RABGAP1: variants seen among roughly 807,000 people sequenced by gnomAD.
RABGAP1 encodes rab GTPase-activating protein 1.
A neutral mutation model predicts 137.6 loss-of-function variants in RABGAP1; 23 were observed. The ratio of observed to expected loss-of-function variants is 0.17; its 90% confidence interval spans 0.12 to 0.24. The LOEUF (loss-of-function observed/expected upper bound fraction) is 0.24, where lower values mean the gene tolerates loss of function less well. Among genes scored for constraint, RABGAP1 ranks in the 10% least tolerant of loss-of-function variants. RABGAP1 has a pLI of 1.00. For synonymous variants in RABGAP1, 451 were observed against 450.7 expected, an observed-to-expected ratio of 1.00 and a Z score of -0.01; for missense variants, 906 against 1,275.8, an observed-to-expected ratio of 0.71 and a Z score of 4.42.
At chr9:123,004,939 C>A (rs2030077296) in intron 10 of RABGAP1, among the ~76,000 whole-genome samples, 1 of 151,396 alleles carries the variant, frequency 6.6e-6, no homozygotes, top group Non-Finnish European at 1.5e-5. Context: ...ATCCGTAATC[C>A]CAGCTACTCG....
In RABGAP1 at chr9:123,020,617, CGAA is replaced by C. The variant is rs879343887; in HGVS notation, c.1794+163_1794+165del. 7.9e-5 allele frequency among the ~76,000 whole-genome samples: 12 copies of C among 152,194 alleles called. No homozygotes were observed. The East Asian group carries it at 1.5e-3, about 20-fold the overall frequency. ...GCTCTAACATGTTTTTTCTGTTGCA[CGAA>C]GAAGTCATAGTTTTTTCTCCTTGAT... is the stretch of plus-strand genomic sequence containing the variant. On this transcript the variant is annotated intron_variant, in intron 13 of 25. Coordinates refer to ENST00000373647, the MANE Select transcript of RABGAP1 (RefSeq NM_012197.4).
At chr9:122,936,855 A>G (rs1009598433), upstream of RABGAP1, among the ~76,000 whole-genome samples, 1 of 152,268 alleles carries the variant, frequency 6.6e-6, no homozygotes, top group African/African-American at 2.4e-5. Context: ...GCTACTGCAT[A>G]TAACCAGGGA....
At chr9:122,971,686 A>T (rs947036013) in intron 2 of RABGAP1, 2 of 152,270 alleles carry the variant, frequency 1.3e-5, no homozygotes, top group African/African-American at 4.8e-5. Flanking sequence ...TTAAAAGTGC[A>T]GCAGATATGT....
intron 19 of RABGAP1, among the ~76,000 whole-genome samples, chr9:123,085,804 TTG>T (rs2034845864): frequency 6.6e-6 from 1 of 152,238 alleles, no homozygotes; most frequent in Non-Finnish European, 1.5e-5. Context: ...CTCATGGAGT[TTG>T]TACGTTGGCA....
chr9:122,983,117 C>G (rs1341781055), intron 2 of RABGAP1, among the ~76,000 whole-genome samples: 1 of 151,600 alleles, frequency 6.6e-6, no homozygotes, highest in Non-Finnish European at 1.5e-5. Context: ...GTCTGTCCAC[C>G]TCAGCCTCCC....
chr9:123,020,457 A>G lies in RABGAP1; in HGVS notation c.1792A>G (p.Lys598Glu), dbSNP rs1281915663. 6.3e-7 allele frequency: 1 copy of G among 1,591,706 alleles called. No individual in the cohort carries two copies. Among genetic ancestry groups the G allele is most frequent in the Non-Finnish European group, 8.6e-7 (1 of 1,167,974 alleles). The change falls in exon 13 of 26, where the codon AAG becomes GAG. Residue 598 changes from lysine to glutamate, a missense_variant and splice_region_variant. This residue lies in a region of RABGAP1 where 212 missense variants were observed against 289.4 expected (regional missense o/e 0.73). Coordinates refer to ENST00000373647, the MANE Select transcript of RABGAP1 (RefSeq NM_012197.4). ...AGAGAAATACCGCATTCTTATCACAAAGGTAAGGGGGTGATAATTCAGCTT... is the reference window on the plus strand; with the variant it reads ...AGAGAAATACCGCATTCTTATCACAGAGGTAAGGGGGTGATAATTCAGCTT... ...LVEKYRILIT[K>E]ESPQDSAITR...
chr9:122,973,131 C>G (rs1835557465), intron 2 of RABGAP1, among the ~76,000 whole-genome samples: 1 of 152,112 alleles, frequency 6.6e-6, no homozygotes, highest in African/African-American at 2.4e-5. Context: ...ATCTGACTGA[C>G]TATATGTTCC....
intron 1 of RABGAP1, among the ~76,000 whole-genome samples, chr9:122,943,215 G>A (rs1362369264): frequency 1.3e-5 from 2 of 151,238 alleles, no homozygotes; most frequent in African/African-American, 4.9e-5. Context: ...TTACAGGCGT[G>A]TGCCACCACG....
At chr9:123,087,858 A>T (rs2034916103) in intron 19 of RABGAP1, among the ~76,000 whole-genome samples, 1 of 152,092 alleles carries the variant, frequency 6.6e-6, no homozygotes, top group Admixed American at 6.5e-5. Flanking sequence ...CACGCAGCAA[A>T]TGTGGGCCTA....
chr9:123,084,053 G>A (rs1404422731), intron 19 of RABGAP1, among the ~76,000 whole-genome samples: 1 of 152,198 alleles, frequency 6.6e-6, no homozygotes, highest in African/African-American at 2.4e-5. Context: ...CTTTGGACAA[G>A]TCACCTATCT....
intron 19 of RABGAP1, among the ~76,000 whole-genome samples, chr9:123,086,915 A>C (rs1455969104): frequency 1.3e-5 from 2 of 152,162 alleles, no homozygotes; most frequent in Non-Finnish European, 2.9e-5. Flanking sequence ...TCTTAGAGAA[A>C]CCCTGTATAA....
At chr9:123,055,084 A>G (rs1301346863) in intron 13 of RABGAP1, among the ~76,000 whole-genome samples, 1 of 152,200 alleles carries the variant, frequency 6.6e-6, no homozygotes, top group Non-Finnish European at 1.5e-5. Flanking sequence ...AAGGTGAGGT[A>G]TCTACATAAA....
At chr9:123,077,497 C>G (rs1268684972) in intron 19 of RABGAP1, among the ~76,000 whole-genome samples, 3 of 152,076 alleles carry the variant, frequency 2.0e-5, no homozygotes, top group Non-Finnish European at 2.9e-5. Context: ...TAAAACAAAG[C>G]TAATAATACA....
At chr9:122,998,515 GTAATAGCTTTTATGGAATCTTAT>G in intron 9 of RABGAP1, 59 bp from the exon 10 acceptor site, 2 of 1,176,070 alleles carry the variant, frequency 1.7e-6, no homozygotes, top group South Asian at 3.8e-5. Context: ...TATAATAAAA[GTAATAGCTTTTATGGAATCTTAT>G]GAGCAAATAT....
chr9:123,021,441 C>T (rs951193525), intron 13 of RABGAP1, among the ~76,000 whole-genome samples: 2 of 151,510 alleles, frequency 1.3e-5, no homozygotes, highest in African/African-American at 2.4e-5. Flanking sequence ...GTTGTGCCTC[C>T]ATCTCCCAAG....
intron 13 of RABGAP1, among the ~76,000 whole-genome samples, chr9:123,053,306 T>C (rs557718857): frequency 6.6e-6 from 1 of 152,348 alleles, no homozygotes; most frequent in African/African-American, 2.4e-5. Flanking sequence ...AACAGTCTTA[T>C]TCTCATTCTT....
At chr9:123,044,823 G>A (rs2033132919) in intron 13 of RABGAP1, among the ~76,000 whole-genome samples, 1 of 152,112 alleles carries the variant, frequency 6.6e-6, no homozygotes, top group Non-Finnish European at 1.5e-5. Context: ...GGCTCAGGGT[G>A]GAGTAGAATT....
chr9:123,083,657 G>C (rs1430841362), intron 19 of RABGAP1, among the ~76,000 whole-genome samples: 1 of 152,214 alleles, frequency 6.6e-6, no homozygotes. Flanking sequence ...TAAATAAAAA[G>C]GCTCAGAAAT....
chr9:123,033,153 A>G (rs1434750629), intron 13 of RABGAP1, among the ~76,000 whole-genome samples: 2 of 152,318 alleles, frequency 1.3e-5, no homozygotes, highest in East Asian at 3.9e-4. Context: ...TTAATGGTGA[A>G]TAGCCTTCTA....
Sources: gnomAD v4.1 joint callset for allele counts (sites outside exome capture counted in the v4.1 genomes callset) on GRCh38, gnomAD v4.1.1 for gene constraint, gnomAD v4.1.1 regional missense constraint, MANE v1.5 for transcripts, NCBI Gene and HGNC (gene_info 2026-07-23, HGNC 2026-07-21) for gene names.